Variants in TEX36 observed in about 807,000 individuals in gnomAD.
TEX36 encodes the protein testis-expressed protein 36.
In TEX36, 12 loss-of-function variants were observed where a neutral mutation model predicts 13.6. The ratio of observed to expected loss-of-function variants is 0.88; its 90% CI spans 0.56 to 1.43. The LOEUF (loss-of-function observed/expected upper bound fraction) is 1.43. Among genes scored for constraint, TEX36 ranks in the 40% most tolerant of loss-of-function variants. The probability of loss-of-function intolerance (pLI) is 0.00; values close to 1 mark genes in which losing one functional copy is unlikely to be tolerated. For synonymous variants in TEX36, 93 were observed against 83.0 expected (o/e 1.12, Z -0.65); for missense variants, 224 against 228.3 (o/e 0.98, Z 0.12).
chr10:125,605,672 G>A (rs1440888455), intron 3 of TEX36, among the ~76,000 whole-genome samples: 3 of 152,100 alleles, frequency 2.0e-5, no homozygotes, highest in South Asian at 2.1e-4. Flanking sequence ...TGCCATCTCC[G>A]CTCACTGCAA....
intron 3 of TEX36, among the ~76,000 whole-genome samples, chr10:125,592,276 C>T (rs939467249): frequency 6.6e-6 from 1 of 152,244 alleles, no homozygotes; most frequent in African/African-American, 2.4e-5. Flanking sequence ...GAGACCATCC[C>T]CATGAAGCCA....
At position 125,660,366 on chromosome 10, in the gene TEX36, C is replaced by T. The variant is rs375687196; in HGVS notation, c.264+655G>A. Among the ~76,000 whole-genome samples the T allele has an allele frequency of 2.1e-3, 323 of 152,268 alleles. 1 individual carries two copies. Among genetic ancestry groups the T allele is most frequent in the African/African-American group, 7.6e-3 (314 of 41,554 alleles). On this transcript the variant is annotated intron_variant, in intron 3 of 3. Transcript: ENST00000368821. The stretch of plus-strand genomic sequence containing the variant: ...TCTCAAGCTCCTGACCTCAAGTGAT[C>T]CTCCCACCTCAGCCTCCCAAACTGC...
intron 1 of TEX36, among the ~76,000 whole-genome samples, chr10:125,676,892 T>TA (rs1847322077): frequency 1.3e-5 from 2 of 152,202 alleles, no homozygotes. Flanking sequence ...AATCTAATGG[T>TA]AAAAAAGTCC....
chr10:125,591,569 T>C (rs528288591), intron 3 of TEX36, among the ~76,000 whole-genome samples: 1 of 152,342 alleles, frequency 6.6e-6, no homozygotes, highest in East Asian at 1.9e-4. Flanking sequence ...GTACACATGC[T>C]GGGAAACCGC....
intron 1 of TEX36, among the ~76,000 whole-genome samples, chr10:125,674,756 C>T (rs9422934): frequency 0.017 from 2,637 of 152,354 alleles, 73 homozygotes; most frequent in African/African-American, 0.059. Flanking sequence ...CCTGGAATTA[C>T]CACCAGTGGA....
intron 3 of TEX36, among the ~76,000 whole-genome samples, chr10:125,594,303 C>G (rs903618148): frequency 1.3e-5 from 2 of 152,104 alleles, no homozygotes; most frequent in African/African-American, 4.8e-5. Context: ...TTTTAAATGT[C>G]CCAGCTAAGT....
At chr10:125,580,934 G>T (rs2133521419) in intron 3 of TEX36, among the ~76,000 whole-genome samples, 1 of 152,306 alleles carries the variant, frequency 6.6e-6, no homozygotes, top group South Asian at 2.1e-4. Context: ...ACCCAGAGTG[G>T]CCTGAGATGG....
intron 1 of TEX36, among the ~76,000 whole-genome samples, chr10:125,672,167 G>T (rs1847243159): frequency 6.6e-6 from 1 of 151,930 alleles, no homozygotes; most frequent in Non-Finnish European, 1.5e-5. Context: ...CTTGTCTTCT[G>T]CTAGCTTTGG....
intron 3 of TEX36, among the ~76,000 whole-genome samples, chr10:125,598,292 A>C (rs1018367452): frequency 1.3e-5 from 2 of 152,198 alleles, no homozygotes; most frequent in African/African-American, 4.8e-5. Context: ...GTGTAAGCTC[A>C]CCACAACGCT....
At chr10:125,647,267 C>T (rs1344387542) in intron 3 of TEX36, among the ~76,000 whole-genome samples, 1 of 152,166 alleles carries the variant, frequency 6.6e-6, no homozygotes, top group East Asian at 1.9e-4. Context: ...CAAAGGAAGT[C>T]CTCAGCAAGA....
At chr10:125,597,174 G>A (rs990906689) in intron 3 of TEX36, among the ~76,000 whole-genome samples, 1 of 152,166 alleles carries the variant, frequency 6.6e-6, no homozygotes, top group Non-Finnish European at 1.5e-5. Context: ...TAGTCCATCT[G>A]TCTTCTCTAT....
intron 3 of TEX36, among the ~76,000 whole-genome samples, chr10:125,609,523 A>G (rs959788512): frequency 1.3e-5 from 2 of 152,196 alleles, no homozygotes; most frequent in African/African-American, 4.8e-5. Context: ...AAAACCTCCC[A>G]TGCGGGATCC....
intron 1 of TEX36, among the ~76,000 whole-genome samples, chr10:125,668,110 C>A (rs1412932907): frequency 7.4e-6 from 1 of 135,590 alleles, no homozygotes; most frequent in Non-Finnish European, 1.5e-5. Context: ...CCTCTGCATA[C>A]CCTGTAGTTG....
intron 3 of TEX36, among the ~76,000 whole-genome samples, chr10:125,628,224 C>A (rs1172237323): frequency 2.6e-5 from 4 of 152,198 alleles, no homozygotes; most frequent in Admixed American, 1.3e-4. Context: ...TTAAAGGATT[C>A]CATCTGGAGT....
At chr10:125,663,058 C>A (rs1455080273) in intron 1 of TEX36, among the ~76,000 whole-genome samples, 1 of 152,218 alleles carries the variant, frequency 6.6e-6, no homozygotes, top group African/African-American at 2.4e-5. Flanking sequence ...GTGGTTGGGT[C>A]AGAGGCTGGA....
chr10:125,630,638 C>A (rs889425200), intron 3 of TEX36, among the ~76,000 whole-genome samples: 3 of 152,036 alleles, frequency 2.0e-5, no homozygotes, highest in South Asian at 2.1e-4. Context: ...CGGGGAAATG[C>A]GAGTTATTCG....
downstream of TEX36, among the ~76,000 whole-genome samples, chr10:125,651,022 A>G (rs936074109): frequency 6.6e-6 from 1 of 152,220 alleles, no homozygotes; most frequent in Non-Finnish European, 1.5e-5. Flanking sequence ...ACCAACCAAA[A>G]AAAGTCCAGG....
chr10:125,604,403 C>T (rs1198251832), intron 3 of TEX36, among the ~76,000 whole-genome samples: 10 of 152,140 alleles, frequency 6.6e-5, no homozygotes, highest in Non-Finnish European at 1.0e-4. Flanking sequence ...AGCCTGGGCA[C>T]GGTGGCTCAT....
chr10:125,680,727 T>C (rs192107980), intron 1 of TEX36, among the ~76,000 whole-genome samples: 29 of 152,312 alleles, frequency 1.9e-4, no homozygotes, highest in Admixed American at 5.9e-4. Flanking sequence ...TTTGGGAAAC[T>C]TCATGATCAG....
Sources: allele counts gnomAD v4.1 joint callset (sites outside exome capture counted in the v4.1 genomes callset), GRCh38; gene constraint gnomAD v4.1.1; transcripts MANE v1.5; gene names NCBI Gene and HGNC (gene_info 2026-07-23, HGNC 2026-07-21).